Variants in PATJ observed in about 807,000 individuals in gnomAD.
The protein encoded by PATJ is PATJ crumbs cell polarity complex component.
Under a neutral mutation model 224.9 loss-of-function variants are expected in PATJ, and 190 were observed. The observed-to-expected ratio is 0.84, with a 90% CI of 0.75 to 0.95. The LOEUF (loss-of-function observed/expected upper bound fraction) is 0.95, where lower values mean the gene tolerates loss of function less well. Ranked by LOEUF, PATJ falls within the 40% of genes least tolerant of loss-of-function variation. The probability of loss-of-function intolerance (pLI) is 0.00; values close to 1 mark genes in which losing one functional copy is unlikely to be tolerated. For missense variants in PATJ, 2,121 were observed against 2,270.3 expected (o/e 0.93, Z 1.34); for synonymous variants, 769 against 820.3 (o/e 0.94, Z 1.07).
At chr1:61,899,104 C>T (rs182825364) in intron 22 of PATJ, among the ~76,000 whole-genome samples, 41 of 152,178 alleles carry the variant, frequency 2.7e-4, no homozygotes, top group Admixed American at 1.2e-3. Flanking sequence ...CATATAAGTA[C>T]GCAAAATATT....
chr1:62,139,673 C>T (rs555187029), intron 41 of PATJ, among the ~76,000 whole-genome samples: 22 of 152,266 alleles, frequency 1.4e-4, no homozygotes, highest in Admixed American at 1.2e-3. Context: ...ACTCTGCTGC[C>T]TATCAAGTTA....
chr1:62,163,561 A>G lies in PATJ; in HGVS notation c.*2507A>G, dbSNP rs1397591478. 6 of 152,600 alleles carry G rather than the reference A, an allele frequency of 3.9e-5. No individual in the cohort carries two copies. Among genetic ancestry groups the G allele is most frequent in the African/African-American group, 1.4e-4 (6 of 41,404 alleles). The allele number at this position is 152,600 out of a possible 1,614,324, so 9.5% of individuals were successfully genotyped here. ...CCTTTTAGGTCGTGCTAGTAAAAGT[A>G]TATTGATGAAGGAATTATGATGCTT... On this transcript the variant is annotated 3_prime_UTR_variant, in exon 44 of 44. Coordinates refer to ENST00000642238, the MANE Select transcript of PATJ (RefSeq NM_001350145.3).
intron 29 of PATJ, among the ~76,000 whole-genome samples, chr1:62,028,701 C>G (rs1648534647): frequency 6.6e-6 from 1 of 152,074 alleles, no homozygotes; most frequent in Non-Finnish European, 1.5e-5. Context: ...GAGGATTGCT[C>G]TAGCCCAGAA....
At chr1:62,109,208 A>G (rs1310455510) in intron 34 of PATJ, among the ~76,000 whole-genome samples, 1 of 147,862 alleles carries the variant, frequency 6.8e-6, no homozygotes, top group African/African-American at 2.5e-5. Context: ...CCTTTAGGCC[A>G]CGTTTTTTTT....
At position 62,144,763 on chromosome 1, in the gene PATJ, T is replaced by C. The variant is rs1007772661; in HGVS notation, c.5272-3521T>C. Among the ~76,000 whole-genome samples the C allele has an allele frequency of 1.9e-4, 15 of 80,004 alleles. No individual in the cohort carries two copies. The East Asian group carries it at 5.3e-3, about 29-fold the overall frequency. 52.5% of individuals were successfully genotyped at this position (80,004 alleles called of 152,430 possible). Reference sequence around the variant, plus strand: ...TCTTCTAAATGCTCTAGAATGTTATTTGCAAAAAAAAAAAATATATATATA... The same window carrying C: ...TCTTCTAAATGCTCTAGAATGTTATCTGCAAAAAAAAAAAATATATATATA... On this transcript the variant is annotated intron_variant, in intron 41 of 43. Transcript: ENST00000642238.
At chr1:61,890,847 A>G (rs1039498675) in intron 22 of PATJ, among the ~76,000 whole-genome samples, 2 of 152,146 alleles carry the variant, frequency 1.3e-5, no homozygotes, top group Admixed American at 1.3e-4. Context: ...TTATTTGTCA[A>G]CTAAAAGTCA....
intron 41 of PATJ, among the ~76,000 whole-genome samples, 164 bp from the exon 42 acceptor site, chr1:62,148,120 T>TAAAAAAAAA (rs1558235712): frequency 0.21 from 22,492 of 106,766 alleles, 4,707 homozygotes; most frequent in Non-Finnish European, 0.32. Context: ...GACACTGTCT[T>TAAAAAAAAA]TAAAAAAAAA....
Position 62,018,008 on chromosome 1 carries a change from T to A in PATJ, c.3959+61T>A. 1 of 857,780 alleles carries A rather than the reference T, an allele frequency of 1.2e-6. No homozygotes were observed. Among genetic ancestry groups the A allele is most frequent in the Non-Finnish European group, 2.0e-6 (1 of 499,218 alleles). The allele number at this position is 857,780 out of a possible 1,614,324, so 53.1% of individuals were successfully genotyped here. ...ACCTCTTCTGAAGATGTTATTAGTGTAAGACTATGTCATCTTTGATTTGTC... is the reference window on the plus strand; with the variant it reads ...ACCTCTTCTGAAGATGTTATTAGTGAAAGACTATGTCATCTTTGATTTGTC... On this transcript the variant is annotated intron_variant, in intron 29 of 43. Coordinates refer to ENST00000642238, the MANE Select transcript of PATJ (RefSeq NM_001350145.3). This position sits in a 1 kb window ranked among gnomAD's most constrained non-coding sequence, Gnocchi z 4.2.
chr1:61,869,097 ATT>A (rs113334846), intron 20 of PATJ, among the ~76,000 whole-genome samples: 2,401 of 125,548 alleles, frequency 0.019, 22 homozygotes, highest in African/African-American at 0.043. Flanking sequence ...TGGAAATAAC[ATT>A]TTTTTTTTTT....
intron 28 of PATJ, among the ~76,000 whole-genome samples, chr1:62,002,709 CAAAA>C (rs766357883): frequency 9.8e-5 from 11 of 112,794 alleles, no homozygotes; most frequent in African/African-American, 2.8e-4. Flanking sequence ...AACTCTGTCT[CAAAA>C]AAAAAAAAAA....
At chr1:61,963,457 G>A (rs558236187) in intron 27 of PATJ, among the ~76,000 whole-genome samples, 15 of 152,134 alleles carry the variant, frequency 9.9e-5, no homozygotes, top group African/African-American at 3.1e-4. Context: ...TTAGCTGGGC[G>A]TGGTGTTGCA....
intron 30 of PATJ, among the ~76,000 whole-genome samples, chr1:62,040,267 C>G (rs1329745024): frequency 6.6e-6 from 1 of 151,934 alleles, no homozygotes; most frequent in Non-Finnish European, 1.5e-5. Flanking sequence ...CACTACCACG[C>G]CTGGCTAATT....
chr1:61,801,541 C>A, intron 11 of PATJ, 82 bp from the exon 12 acceptor site: 1 of 744,124 alleles, frequency 1.3e-6, no homozygotes, highest in Non-Finnish European at 2.0e-6. Context: ...GTAAAATCTG[C>A]TCACTTAAAT....
intron 41 of PATJ, among the ~76,000 whole-genome samples, chr1:62,130,897 G>T (rs572632380): frequency 5.3e-4 from 80 of 152,246 alleles, no homozygotes; most frequent in Non-Finnish European, 1.0e-3. Context: ...GCAATTTGTG[G>T]TGTTTTACAT....
intron 16 of PATJ, among the ~76,000 whole-genome samples, chr1:61,830,665 A>G (rs759074746): frequency 2.0e-5 from 3 of 152,200 alleles, no homozygotes; most frequent in Non-Finnish European, 2.9e-5. Context: ...ACAGCATAGT[A>G]TTGGTACAAA....
At chr1:61,868,853 T>C (rs1665817352) in intron 20 of PATJ, among the ~76,000 whole-genome samples, 1 of 152,164 alleles carries the variant, frequency 6.6e-6, no homozygotes, top group African/African-American at 2.4e-5. Context: ...ACTTCTCCTC[T>C]ACCCTCTATT....
chr1:62,002,742 A>T (rs112641155), intron 28 of PATJ, among the ~76,000 whole-genome samples: 1 of 148,848 alleles, frequency 6.7e-6, no homozygotes, highest in Admixed American at 6.7e-5. Flanking sequence ...AAAGAGAGAG[A>T]GAAACTGGAG....
chr1:62,012,921 C>G (rs986980817), intron 28 of PATJ, among the ~76,000 whole-genome samples: 2 of 152,218 alleles, frequency 1.3e-5, no homozygotes, highest in African/African-American at 4.8e-5. Flanking sequence ...TCAAGGTTCA[C>G]TCTTTCTTGG....
intron 26 of PATJ, among the ~76,000 whole-genome samples, chr1:61,921,390 G>A (rs1439265406): frequency 3.3e-5 from 5 of 152,212 alleles, no homozygotes; most frequent in East Asian, 1.9e-4. Context: ...ATTAGCAGTA[G>A]CACATGTCAT....
Sources: allele counts gnomAD v4.1 joint callset (sites outside exome capture counted in the v4.1 genomes callset), GRCh38; gene constraint gnomAD v4.1.1; non-coding constraint Gnocchi (gnomAD v3.1); transcripts MANE v1.5; gene names NCBI Gene and HGNC (gene_info 2026-07-23, HGNC 2026-07-21).